Variants in TES observed in about 807,000 individuals in gnomAD.
TES encodes the protein testin LIM domain protein.
A neutral mutation model predicts 48.2 loss-of-function variants in TES; 41 were observed. The ratio of observed to expected loss-of-function variants is 0.85; its 90% CI spans 0.66 to 1.10. TES has a LOEUF of 1.10. TES is among the 50% of genes least tolerant of loss of function. The pLI, the probability that TES is intolerant of heterozygous loss-of-function variation, is 0.00. For missense variants in TES, 463 were observed against 515.1 expected, an observed-to-expected ratio of 0.90 and a Z score of 0.98; for synonymous variants, 162 against 174.9, an observed-to-expected ratio of 0.93 and a Z score of 0.58.
At chr7:116,244,972 G>T (rs1234040242) in intron 2 of TES, among the ~76,000 whole-genome samples, 1 of 152,156 alleles carries the variant, frequency 6.6e-6, no homozygotes, top group East Asian at 1.9e-4. Flanking sequence ...GAAGAAGCTG[G>T]GATGCAGGGC....
At chr7:116,215,629 A>G (rs1799485415) in intron 1 of TES, among the ~76,000 whole-genome samples, 1 of 152,176 alleles carries the variant, frequency 6.6e-6, no homozygotes, top group African/African-American at 2.4e-5. Flanking sequence ...GCCAATGGTA[A>G]TGCTGTCTCC....
intron 6 of TES, among the ~76,000 whole-genome samples, chr7:116,254,298 T>A (rs977243184): frequency 6.7e-6 from 1 of 148,234 alleles, no homozygotes. Flanking sequence ...AAAAATTTAT[T>A]GAAACAGATG....
chr7:116,230,772 A>G (rs1433881226), intron 1 of TES, among the ~76,000 whole-genome samples: 4 of 150,324 alleles, frequency 2.7e-5, no homozygotes, highest in African/African-American at 7.3e-5. Context: ...AAAGTGCTTT[A>G]CAATTTTTTG....
chr7:116,235,202 C>T (rs1018830919), intron 2 of TES, among the ~76,000 whole-genome samples: 7 of 152,204 alleles, frequency 4.6e-5, no homozygotes, highest in Non-Finnish European at 1.0e-4. Flanking sequence ...CAGCCCACCT[C>T]AACCTCCCAA....
At chr7:116,237,401 C>G (rs865996186) in intron 2 of TES, among the ~76,000 whole-genome samples, 2 of 152,194 alleles carry the variant, frequency 1.3e-5, no homozygotes, top group Non-Finnish European at 2.9e-5. Context: ...TCCCACTGGA[C>G]TTCTTTTAGG....
At chr7:116,218,091 G>A in intron 1 of TES, 2 of 383,582 alleles carry the variant, frequency 5.2e-6, no homozygotes, top group South Asian at 3.8e-5. Context: ...GTTATTAGAA[G>A]CCAGCCTAGT....
intron 2 of TES, among the ~76,000 whole-genome samples, chr7:116,236,116 T>G (rs1799767682): frequency 6.6e-6 from 1 of 152,204 alleles, no homozygotes; most frequent in Admixed American, 6.5e-5. Flanking sequence ...GTAAAGTGAC[T>G]TAACACAAAA....
rs1301015316 is a variant in TES at position 116,257,305 on chromosome 7, A to G, written c.1089A>G (p.Gly363=). 4.3e-6 allele frequency: 7 copies of G among 1,610,262 alleles called. No homozygotes were observed. In the East Asian group the frequency reaches 1.6e-4, roughly 36 times the overall value. The change falls in exon 7 of 7, where the codon GGA becomes GGG. Residue 363 remains glycine (G), a synonymous_variant. Coordinates refer to ENST00000358204, the MANE Select transcript of TES (RefSeq NM_015641.4). ...YVKNHAVVCQ[G]CHNAIDPEVQ... ...TTATTTCTTAATAGGTGTGTCAAGG[A>G]TGCCACAATGCCATCGACCCAGAAG...
chr7:116,217,113 T>C lies in TES; in HGVS notation c.27+6379T>C, dbSNP rs372813590. Among the ~76,000 whole-genome samples the C allele has an allele frequency of 1.2e-3, 186 of 152,264 alleles. 1 individual carries two copies. The highest frequency in any genetic ancestry group is 7.4e-3 in the South Asian group (36 of 4,834). On this transcript the variant is annotated intron_variant, in intron 1 of 6. Transcript: ENST00000358204. ...TGTAAATATTGAAAGTAAGCACAAC[T>C]GGAATTATACCCGTCAGTGAACTCT...
At chr7:116,219,441 A>G (rs1375495035) in intron 1 of TES, among the ~76,000 whole-genome samples, 1 of 152,096 alleles carries the variant, frequency 6.6e-6, no homozygotes, top group Non-Finnish European at 1.5e-5. Flanking sequence ...ATTGAGAGAG[A>G]GGAGGAAATT....
intron 1 of TES, among the ~76,000 whole-genome samples, chr7:116,226,085 C>T (rs1185963151): frequency 6.6e-6 from 1 of 152,210 alleles, no homozygotes; most frequent in Non-Finnish European, 1.5e-5. Context: ...ATCACCACCC[C>T]TTCCAGTGTC....
At chr7:116,241,003 T>C (rs1449796881) in intron 2 of TES, among the ~76,000 whole-genome samples, 1 of 152,184 alleles carries the variant, frequency 6.6e-6, no homozygotes, top group Non-Finnish European at 1.5e-5. Context: ...TAGGTTTGTA[T>C]AAAACCACGT....
intron 4 of TES, among the ~76,000 whole-genome samples, chr7:116,250,998 G>A (rs1019500321): frequency 6.6e-6 from 1 of 152,020 alleles, no homozygotes; most frequent in African/African-American, 2.4e-5. Context: ...TGACTTGATG[G>A]TAGGAGGCAA....
intron 2 of TES, among the ~76,000 whole-genome samples, chr7:116,248,061 T>G (rs572873806): frequency 6.6e-6 from 1 of 152,336 alleles, no homozygotes; most frequent in Non-Finnish European, 1.5e-5. Context: ...AGTGAGAATA[T>G]GTGGTATTTG....
chr7:116,245,083 G>T (rs1466475690), intron 2 of TES, among the ~76,000 whole-genome samples: 1 of 152,178 alleles, frequency 6.6e-6, no homozygotes, highest in Non-Finnish European at 1.5e-5. Context: ...AGGGGCTGCT[G>T]TGAAGCTCTC....
chr7:116,238,492 AC>A lies in TES; in HGVS notation c.113+3875del, dbSNP rs200244306. 8.6e-3 allele frequency among the ~76,000 whole-genome samples: 1,315 copies of A among 152,260 alleles called. 16 individuals are homozygous for A. The highest frequency in any genetic ancestry group is 0.011 in the Non-Finnish European group (748 of 68,008). Reference sequence around the variant, plus strand: ...TGTGAATGATTTCTATGTGTCACACACCAGTAAGCACTTGTAATAATTTTCT... The same window carrying A: ...TGTGAATGATTTCTATGTGTCACACACAGTAAGCACTTGTAATAATTTTCT... On this transcript the variant is annotated intron_variant, in intron 2 of 6. Coordinates refer to ENST00000358204, the MANE Select transcript of TES (RefSeq NM_015641.4).
chr7:116,229,012 AT>A (rs879531129), intron 1 of TES, among the ~76,000 whole-genome samples: 2,280 of 137,896 alleles, frequency 0.017, 110 homozygotes, highest in Non-Finnish European at 0.023. Context: ...ATATATATAT[AT>A]ATATATATAT....
Position 116,236,050 on chromosome 7 carries a change from G to T in TES, c.113+1431G>T, listed in dbSNP as rs114133470. ...TACAAGACTTAAGCAGCTCTCCCTT[G>T]TGCTGTCTCTTCAAGGGACATAGAA... On this transcript the variant is annotated intron_variant, in intron 2 of 6. Transcript: ENST00000358204. Among the ~76,000 whole-genome samples, 816 of 152,202 alleles carry T rather than the reference G, an allele frequency of 5.4e-3. 4 individuals are homozygous for T. The highest frequency in any genetic ancestry group is 0.019 in the African/African-American group (770 of 41,508).
At chr7:116,218,101 T>C (rs1799515022) in intron 1 of TES, 1 of 365,148 alleles carries the variant, frequency 2.7e-6, no homozygotes, top group East Asian at 7.3e-5. Flanking sequence ...GCCAGCCTAG[T>C]GGGGATTGCT....
Sources: gnomAD v4.1 joint callset for allele counts (sites outside exome capture counted in the v4.1 genomes callset) on GRCh38, gnomAD v4.1.1 for gene constraint, MANE v1.5 for transcripts, NCBI Gene and HGNC (gene_info 2026-07-23, HGNC 2026-07-21) for gene names.